The following MAP2K6 variants were observed in gnomAD, a reference collection of about 807,000 sequenced individuals.
The protein encoded by MAP2K6 is mitogen-activated protein kinase kinase 6.
MAP2K6 carries 16 observed loss-of-function variants against 53.7 expected under a neutral mutation model. The ratio of observed to expected loss-of-function variants is 0.30; its 90% CI spans 0.20 to 0.45. The LOEUF (loss-of-function observed/expected upper bound fraction) is 0.45. MAP2K6 is among the 20% of genes least tolerant of loss of function. The pLI is 1.00. For synonymous variants in MAP2K6, 132 were observed against 143.1 expected, an observed-to-expected ratio of 0.92 and a Z score of 0.55; for missense variants, 204 against 411.9, an observed-to-expected ratio of 0.50 and a Z score of 4.37.
Position 69,523,703 on chromosome 17 carries a change from C to A in MAP2K6, c.663+62C>A, listed in dbSNP as rs61758056. 610 of 1,591,640 alleles carry A rather than the reference C, an allele frequency of 3.8e-4. 4 individuals carry two copies. In the African/African-American group the frequency reaches 7.4e-3, roughly 19 times the overall value. The stretch of plus-strand genomic sequence containing the variant: ...ACTGCCGACAAATCATGCTGGGAAA[C>A]AAGAAATGGATGGCCACAGAGGGAA... On this transcript the variant is annotated intron_variant, in intron 8 of 11. Transcript: ENST00000590474.
chr17:69,463,479 C>T (rs1015765558), intron 1 of MAP2K6, among the ~76,000 whole-genome samples: 1 of 149,002 alleles, frequency 6.7e-6, no homozygotes, highest in Non-Finnish European at 1.5e-5. Flanking sequence ...TATATATATA[C>T]ACACATATAT....
At chr17:69,491,253 C>T (rs1173299190) in intron 1 of MAP2K6, among the ~76,000 whole-genome samples, 1 of 152,148 alleles carries the variant, frequency 6.6e-6, no homozygotes, top group Admixed American at 6.5e-5. Flanking sequence ...AAGCAATTCT[C>T]CTGCCTCAGC....
rs1247343161 is a variant in MAP2K6 at position 69,523,508 on chromosome 17, T to C, written c.536-6T>C. 3 of 1,613,244 alleles carry C rather than the reference T, an allele frequency of 1.9e-6. No individual in the cohort carries two copies. ...ATGATGGCATCCTGGTTGTTTTCGC[T>C]TTCAGACGTCAAGCCTTCTAATGTA... On this transcript the variant is annotated splice_polypyrimidine_tract_variant and splice_region_variant and intron_variant, in intron 7 of 11. Transcript: ENST00000590474.
At chr17:69,526,834 T>C (rs2074031) in intron 10 of MAP2K6, 125 bp downstream of exon 10, 477,700 of 1,168,668 alleles carry the variant, frequency 0.41, 99,767 homozygotes, top group South Asian at 0.45. Context: ...GAGTATGCCC[T>C]CTCTGCTGGA....
chr17:69,546,938 A>T lies in MAP2K6; in HGVS notation c.*5185A>T, dbSNP rs1911900286. 6.6e-6 allele frequency: 1 copy of T among 152,038 alleles called. No homozygotes were observed. Among genetic ancestry groups the T allele is most frequent in the African/African-American group, 2.4e-5 (1 of 41,396 alleles). The allele number at this position is 152,038 out of a possible 1,614,324, so 9.4% of individuals were successfully genotyped here. ...TAGTCAGATGGAAAAATGCCAGAGTAAAATCTAGGAAGAAGGAGCTACCAG... is the reference window on the plus strand; with the variant it reads ...TAGTCAGATGGAAAAATGCCAGAGTTAAATCTAGGAAGAAGGAGCTACCAG... On this transcript the variant is annotated 3_prime_UTR_variant, in exon 12 of 12. Transcript: ENST00000590474.
At chr17:69,503,674 T>A (rs955394376) in intron 1 of MAP2K6, among the ~76,000 whole-genome samples, 2 of 152,204 alleles carry the variant, frequency 1.3e-5, no homozygotes, top group Non-Finnish European at 2.9e-5. Flanking sequence ...TATAGTGGGC[T>A]ATAATGATGT....
At chr17:69,530,539 A>T (rs536022265) in intron 10 of MAP2K6, among the ~76,000 whole-genome samples, 1 of 152,248 alleles carries the variant, frequency 6.6e-6, no homozygotes, top group East Asian at 1.9e-4. Context: ...ATAGAAGGGA[A>T]TCGTTAATTC....
At chr17:69,458,505 C>A (rs1239551706) in intron 1 of MAP2K6, among the ~76,000 whole-genome samples, 4 of 152,188 alleles carry the variant, frequency 2.6e-5, no homozygotes, top group African/African-American at 9.6e-5. Context: ...CAAATTTTAA[C>A]TCTTTAGTTG....
chr17:69,503,049 CT>C (rs1909250590), intron 1 of MAP2K6, among the ~76,000 whole-genome samples: 1 of 152,126 alleles, frequency 6.6e-6, no homozygotes, highest in African/African-American at 2.4e-5. Flanking sequence ...GTAACTTCTG[CT>C]TTTGGTTTGC....
At chr17:69,515,023 C>T (rs1910067419) in intron 2 of MAP2K6, among the ~76,000 whole-genome samples, 1 of 152,044 alleles carries the variant, frequency 6.6e-6, no homozygotes, top group Admixed American at 6.5e-5. Flanking sequence ...ATGGAATGTG[C>T]TTCCAGAGAG....
At chr17:69,511,102 C>T (rs1027197101) in intron 2 of MAP2K6, among the ~76,000 whole-genome samples, 6 of 151,930 alleles carry the variant, frequency 3.9e-5, no homozygotes, top group Admixed American at 6.6e-5. Flanking sequence ...TTATGAATTT[C>T]GGAAGGCTAC....
chr17:69,534,025 T>TCTTAATCTCTGCACTC (rs1911228522), intron 10 of MAP2K6, among the ~76,000 whole-genome samples: 3 of 152,160 alleles, frequency 2.0e-5, no homozygotes, highest in Non-Finnish European at 4.4e-5. Context: ...CTCATGACAT[T>TCTTAATCTCTGCACTC]TTGGGCTAGA....
chr17:69,494,104 G>T lies in MAP2K6; in HGVS notation c.17-11676G>T, dbSNP rs1908855883. On this transcript the variant is annotated intron_variant, in intron 1 of 11. Transcript: ENST00000590474. This position sits in a 1 kb window ranked among gnomAD's most constrained non-coding sequence, Gnocchi z 4.2. ...GAGTCAATAACAAGGGATAAGAGCA[G>T]CAGAATCCAGTGGAAAAAACTACAG... Among the ~76,000 whole-genome samples, 1 of 152,174 alleles carries T rather than the reference G, an allele frequency of 6.6e-6. No homozygotes were observed. Among genetic ancestry groups the T allele is most frequent in the South Asian group, 2.1e-4 (1 of 4,836 alleles).
chr17:69,517,678 C>A, intron 4 of MAP2K6, 65 bp downstream of exon 4: 1 of 1,095,436 alleles, frequency 9.1e-7, no homozygotes, highest in Non-Finnish European at 1.3e-6. Context: ...CCTCAATTGT[C>A]AACCAGCCCT....
chr17:69,550,538 C>G lies in MAP2K6; in HGVS notation c.*8785C>G, dbSNP rs1400729525. 6.6e-6 allele frequency: 1 copy of G among 152,130 alleles called. No individual in the cohort carries two copies. The highest frequency in any genetic ancestry group is 2.4e-5 in the African/African-American group (1 of 41,436). 9.4% of individuals were successfully genotyped at this position (152,130 alleles called of 1,614,324 possible). A position where few individuals can be genotyped will look rare whatever the true frequency, so the allele number is the denominator to read the frequency against. ...AAAGCTAGTTTGAAGTTTCAGAAGC[C>G]ATGAATTATGGGGAAGGAGTAGTTT... On this transcript the variant is annotated 3_prime_UTR_variant, in exon 12 of 12. Coordinates refer to ENST00000590474, the MANE Select transcript of MAP2K6 (RefSeq NM_002758.4).
chr17:69,531,910 TAACA>T (rs1334603751), intron 10 of MAP2K6, among the ~76,000 whole-genome samples: 1 of 152,192 alleles, frequency 6.6e-6, no homozygotes, highest in African/African-American at 2.4e-5. Context: ...GCAGAAGGGT[TAACA>T]AACGAGTTCG....
Position 69,500,649 on chromosome 17 carries a change from A to G in MAP2K6, c.17-5131A>G, listed in dbSNP as rs201638264. Among the ~76,000 whole-genome samples, 12 of 151,562 alleles carry G rather than the reference A, an allele frequency of 7.9e-5. No homozygotes were observed. The East Asian group carries it at 2.3e-3, about 29-fold the overall frequency. On this transcript the variant is annotated intron_variant, in intron 1 of 11. Transcript: ENST00000590474. Reference sequence around the variant, plus strand: ...CGGGCACCTGTAATCCCAGCTACTCAGGAGGCTGAGGCAGGAGAATCACAC... The same window carrying G: ...CGGGCACCTGTAATCCCAGCTACTCGGGAGGCTGAGGCAGGAGAATCACAC...
At chr17:69,448,850 T>C (rs1404192268) in intron 1 of MAP2K6, among the ~76,000 whole-genome samples, 1 of 152,220 alleles carries the variant, frequency 6.6e-6, no homozygotes, top group East Asian at 1.9e-4. Flanking sequence ...TTGGGATTCA[T>C]GGCATTTCCA....
intron 1 of MAP2K6, chr17:69,435,507 C>G (rs773678982): frequency 2.0e-5 from 3 of 146,790 alleles, no homozygotes; most frequent in African/African-American, 7.6e-5. Context: ...GCACTCCTGC[C>G]TGGGTGACAG....
Sources: allele counts gnomAD v4.1 joint callset (sites outside exome capture counted in the v4.1 genomes callset), GRCh38; gene constraint gnomAD v4.1.1; non-coding constraint Gnocchi (gnomAD v3.1); transcripts MANE v1.5; gene names NCBI Gene and HGNC (gene_info 2026-07-23, HGNC 2026-07-21).